SHOC2: variants seen among roughly 807,000 people sequenced by gnomAD.
SHOC2 encodes the protein SHOC2 leucine rich repeat scaffold protein, also known as leucine-rich repeat protein SHOC-2.
A neutral mutation model predicts 50.2 loss-of-function variants in SHOC2; 4 were observed. That is an observed-to-expected ratio of 0.08 (90% CI 0.04 to 0.18). The LOEUF (loss-of-function observed/expected upper bound fraction) is 0.18. SHOC2 is among the 10% of genes least tolerant of loss of function. SHOC2 has a pLI of 1.00. For missense variants in SHOC2, 388 were observed against 669.6 expected (o/e 0.58, Z 4.64); for synonymous variants, 218 against 244.5 (o/e 0.89, Z 1.01).
At chr10:110,922,710 C>G (rs1846680174) in intron 1 of SHOC2, among the ~76,000 whole-genome samples, 1 of 152,062 alleles carries the variant, frequency 6.6e-6, no homozygotes, top group East Asian at 1.9e-4. Context: ...CAAGTTAACT[C>G]ACAAATCCTT....
chr10:110,921,970 T>C (rs1846661514), intron 1 of SHOC2, among the ~76,000 whole-genome samples: 1 of 150,566 alleles, frequency 6.6e-6, no homozygotes, highest in Admixed American at 6.6e-5. Flanking sequence ...AGCTAGATCT[T>C]TTTTTTTTAG....
chr10:110,950,305 G>T (rs1237129168), intron 1 of SHOC2, among the ~76,000 whole-genome samples: 1 of 151,174 alleles, frequency 6.6e-6, no homozygotes, highest in Non-Finnish European at 1.5e-5. Flanking sequence ...AAAATAAAAA[G>T]GAATAAATTT....
chr10:110,987,785 A>G (rs1848108091), intron 3 of SHOC2, among the ~76,000 whole-genome samples: 1 of 152,164 alleles, frequency 6.6e-6, no homozygotes, highest in Non-Finnish European at 1.5e-5. Context: ...TGAGGCTGAT[A>G]CAAAAAGGGA....
At chr10:110,987,214 G>A (rs932903831) in intron 3 of SHOC2, among the ~76,000 whole-genome samples, 5 of 152,108 alleles carry the variant, frequency 3.3e-5, no homozygotes, top group African/African-American at 4.8e-5. Flanking sequence ...TAGTCATTAC[G>A]TTGTTAACTC....
chr10:111,007,480 G>C (rs191571574), intron 5 of SHOC2, 51 bp from the exon 6 acceptor site: 2 of 1,602,874 alleles, frequency 1.2e-6, no homozygotes, highest in Non-Finnish European at 1.7e-6. Flanking sequence ...GGTATATATA[G>C]AACTTTGTTT....
rs368326616 is a variant in SHOC2 at position 111,004,801 on chromosome 10, A to G, written c.1161+7A>G. ...AAGTAAGCTGAATATGAAGGTAAGC[A>G]TATATTTGTTTACTAGGGAAAGGAA... On this transcript the variant is annotated splice_region_variant and intron_variant, in intron 5 of 8. Transcript: ENST00000369452. 1.2e-5 allele frequency: 19 copies of G among 1,581,514 alleles called. No individual in the cohort carries two copies. The highest frequency in any genetic ancestry group is 1.7e-5 in the Non-Finnish European group (19 of 1,151,040).
chr10:110,930,468 TTTAA>T (rs1186419466), intron 1 of SHOC2, among the ~76,000 whole-genome samples: 3 of 152,188 alleles, frequency 2.0e-5, no homozygotes. Flanking sequence ...AGTAGTTAAA[TTTAA>T]TTAACAGTTT....
chr10:110,983,526 A>G (rs1848022460), intron 2 of SHOC2, among the ~76,000 whole-genome samples: 1 of 152,166 alleles, frequency 6.6e-6, no homozygotes, highest in Non-Finnish European at 1.5e-5. Flanking sequence ...TGCATAACAT[A>G]TAATTTATCA....
At chr10:110,968,889 C>A (rs1419542880) in intron 2 of SHOC2, among the ~76,000 whole-genome samples, 1 of 152,030 alleles carries the variant, frequency 6.6e-6, no homozygotes, top group East Asian at 1.9e-4. Flanking sequence ...AATTTAACCA[C>A]GACACAAGGT....
Position 111,004,867 on chromosome 10 carries a change from TA to T in SHOC2, c.1161+75del. On this transcript the variant is annotated intron_variant, in intron 5 of 8. Transcript: ENST00000369452. Reference sequence around the variant, plus strand: ...CTTCCACTAATATTTATGTTTTCTCTAATTGTGTGGGGAGTGGGTACTTGTA... The same window carrying T: ...CTTCCACTAATATTTATGTTTTCTCTATTGTGTGGGGAGTGGGTACTTGTA... 3 of 1,072,898 alleles carry T rather than the reference TA, an allele frequency of 2.8e-6. No homozygotes were observed. In the East Asian group the frequency reaches 7.4e-5, roughly 27 times the overall value. The allele number at this position is 1,072,898 out of a possible 1,614,324, so 66.5% of individuals were successfully genotyped here.
intron 1 of SHOC2, among the ~76,000 whole-genome samples, chr10:110,920,680 A>G (rs141726872): frequency 1.3e-5 from 2 of 152,050 alleles, no homozygotes; most frequent in Admixed American, 1.3e-4. Flanking sequence ...TGGCAGTTTG[A>G]TTTTTCTTGT....
intron 1 of SHOC2, among the ~76,000 whole-genome samples, chr10:110,934,537 T>G (rs1343220910): frequency 6.6e-6 from 1 of 152,208 alleles, no homozygotes; most frequent in Non-Finnish European, 1.5e-5. Flanking sequence ...TACCATAATT[T>G]AGTCTATTGA....
At chr10:110,954,357 T>C (rs915775568) in intron 1 of SHOC2, among the ~76,000 whole-genome samples, 1 of 152,156 alleles carries the variant, frequency 6.6e-6, no homozygotes, top group Non-Finnish European at 1.5e-5. Flanking sequence ...GAAGACTTGG[T>C]CATCTAGAAT....
At chr10:110,922,580 A>G (rs1378152096) in intron 1 of SHOC2, among the ~76,000 whole-genome samples, 1 of 152,116 alleles carries the variant, frequency 6.6e-6, no homozygotes, top group Non-Finnish European at 1.5e-5. Context: ...AGTGAAATGT[A>G]TCTTTAGAAT....
chr10:110,921,861 C>T (rs900058835), intron 1 of SHOC2, among the ~76,000 whole-genome samples: 31 of 151,982 alleles, frequency 2.0e-4, no homozygotes, highest in African/African-American at 7.5e-4. Context: ...CATTTGTTTT[C>T]TGATCGCTCA....
At chr10:110,933,338 T>C (rs1260328453) in intron 1 of SHOC2, among the ~76,000 whole-genome samples, 3 of 152,106 alleles carry the variant, frequency 2.0e-5, no homozygotes, top group Non-Finnish European at 4.4e-5. Context: ...CTTTATGTTC[T>C]TCTAGACTTT....
At chr10:110,936,700 C>T in intron 1 of SHOC2, 1 of 936,276 alleles carries the variant, frequency 1.1e-6, no homozygotes, top group East Asian at 2.5e-5. Context: ...TGGCCTGTTT[C>T]CGTAGGCTTA....
At chr10:110,923,097 C>G (rs1054124372) in intron 1 of SHOC2, among the ~76,000 whole-genome samples, 5 of 151,976 alleles carry the variant, frequency 3.3e-5, no homozygotes, top group Non-Finnish European at 7.4e-5. Context: ...AACTGCTTGG[C>G]CTTCTGAATT....
intron 2 of SHOC2, among the ~76,000 whole-genome samples, chr10:110,981,275 G>C (rs181402057): frequency 1.2e-4 from 19 of 152,298 alleles, no homozygotes; most frequent in Admixed American, 7.2e-4. Context: ...GTATATTGTA[G>C]TCTGTTTCTT....
Sources: gnomAD v4.1 joint callset for allele counts (sites outside exome capture counted in the v4.1 genomes callset) on GRCh38, gnomAD v4.1.1 for gene constraint, MANE v1.5 for transcripts, NCBI Gene and HGNC (gene_info 2026-07-23, HGNC 2026-07-21) for gene names.